The following DCC variants were observed in gnomAD, a reference collection of about 807,000 sequenced individuals.
DCC encodes the protein DCC netrin 1 receptor.
In DCC, 58 loss-of-function variants were observed where a neutral mutation model predicts 172.5. That is an observed-to-expected ratio of 0.34 (90% CI 0.27 to 0.42). The LOEUF is 0.42. Among genes scored for constraint, DCC ranks in the 10% least tolerant of loss-of-function variants. The pLI is 1.00. For synonymous variants in DCC, 709 were observed against 644.5 expected, an observed-to-expected ratio of 1.10 and a Z score of -1.52; for missense variants, 1,740 against 1,791.0, an observed-to-expected ratio of 0.97 and a Z score of 0.51.
chr18:52,464,235 T>C (rs1231160939), intron 1 of DCC, among the ~76,000 whole-genome samples: 2 of 152,182 alleles, frequency 1.3e-5, no homozygotes, highest in Non-Finnish European at 2.9e-5. Context: ...AACACTTTCT[T>C]ATATATACTC....
At chr18:53,020,665 A>G (rs1278650894) in intron 5 of DCC, among the ~76,000 whole-genome samples, 1 of 152,206 alleles carries the variant, frequency 6.6e-6, no homozygotes, top group Non-Finnish European at 1.5e-5. Flanking sequence ...AACTAATACT[A>G]TAATTGCATC....
At chr18:53,474,705 C>G (rs182399794) in intron 25 of DCC, among the ~76,000 whole-genome samples, 77 of 152,306 alleles carry the variant, frequency 5.1e-4, no homozygotes, top group African/African-American at 1.8e-3. Flanking sequence ...ATTGCTCAAT[C>G]ACAGGTATGT....
chr18:53,048,179 G>T (rs1225276698), intron 5 of DCC, among the ~76,000 whole-genome samples: 2 of 151,768 alleles, frequency 1.3e-5, no homozygotes, highest in African/African-American at 4.8e-5. Context: ...TAGGTAAACT[G>T]CATCACAGGA....
intron 15 of DCC, among the ~76,000 whole-genome samples, chr18:53,384,641 A>T (rs998297015): frequency 1.3e-5 from 2 of 151,564 alleles, no homozygotes; most frequent in Admixed American, 6.6e-5. Flanking sequence ...CTCATTTCTG[A>T]GTTTTCTGAT....
At chr18:53,007,047 G>A (rs1483982577) in intron 5 of DCC, among the ~76,000 whole-genome samples, 2 of 152,190 alleles carry the variant, frequency 1.3e-5, no homozygotes, top group Middle Eastern at 3.4e-3. Flanking sequence ...ATGCCATGAA[G>A]ATTTAAAAAA....
In DCC at chr18:53,512,136, T is replaced by C. The variant is rs201817363; in HGVS notation, c.4111+12626T>C. ...ATCTGAGAACGTGCAGACTGCCTCC[T>C]CAAGTGGATCCCTGACCCCGACCCC... On this transcript the variant is annotated intron_variant, in intron 27 of 28. Transcript: ENST00000442544. Among the ~76,000 whole-genome samples the C allele has an allele frequency of 1.6e-4, 25 of 152,134 alleles. 1 individual carries two copies. In the East Asian group the frequency reaches 4.1e-3, roughly 25 times the overall value.
At chr18:52,785,399 C>A (rs77182297) in intron 2 of DCC, among the ~76,000 whole-genome samples, 1 of 152,054 alleles carries the variant, frequency 6.6e-6, no homozygotes, top group Admixed American at 6.6e-5. Context: ...CAAAGACTCC[C>A]ATGCCCTTAC....
At chr18:53,487,647 G>A (rs2045917617) in intron 26 of DCC, among the ~76,000 whole-genome samples, 1 of 150,724 alleles carries the variant, frequency 6.6e-6, no homozygotes, top group Non-Finnish European at 1.5e-5. Context: ...AGATATGATA[G>A]TAACAACAAT....
rs1568294847 is a variant in DCC at position 53,086,253 on chromosome 18, C to CCT, written c.1261+20087_1261+20088insCT. ...CCGTTCTTCTTCTTCTTCTTCCTTT[C>CCT]TTCTTCTTCTTCTTCTTCTTCCTTT... On this transcript the variant is annotated intron_variant, in intron 7 of 28. Transcript: ENST00000442544. Among the ~76,000 whole-genome samples, 10 of 41,350 alleles carry CCT rather than the reference C, an allele frequency of 2.4e-4. 4 individuals are homozygous for CCT. The African/African-American group carries it at 2.8e-3, about 11-fold the overall frequency. The allele number at this position is 41,350 out of a possible 152,430, so 27.1% of individuals were successfully genotyped here.
intron 12 of DCC, among the ~76,000 whole-genome samples, chr18:53,275,403 A>G (rs963629390): frequency 2.0e-5 from 3 of 152,088 alleles, no homozygotes; most frequent in East Asian, 3.9e-4. Context: ...AGTCAAATAT[A>G]TGATCTCCAC....
rs532427783 is a variant in DCC at position 52,575,610 on chromosome 18, C to T, written c.92-176444C>T. Among the ~76,000 whole-genome samples, 8 of 151,968 alleles carry T rather than the reference C, an allele frequency of 5.3e-5. No homozygotes were observed. The East Asian group carries it at 1.5e-3, about 29-fold the overall frequency. On this transcript the variant is annotated intron_variant, in intron 1 of 28. Transcript: ENST00000442544. ...GAGTTAGTTTCTTAGTTGTTTTTTTCCTACCTTTGTAGAAAAATCGCACTC... is the reference window on the plus strand; with the variant it reads ...GAGTTAGTTTCTTAGTTGTTTTTTTTCTACCTTTGTAGAAAAATCGCACTC...
intron 1 of DCC, among the ~76,000 whole-genome samples, chr18:52,391,020 T>TG (rs1568146890): frequency 6.6e-6 from 1 of 152,000 alleles, no homozygotes; most frequent in East Asian, 1.9e-4. Flanking sequence ...AGATTTTTTT[T>TG]TGTGTGTGTA....
intron 1 of DCC, among the ~76,000 whole-genome samples, chr18:52,546,889 C>A (rs1200578847): frequency 2.0e-5 from 3 of 151,984 alleles, no homozygotes; most frequent in Admixed American, 1.3e-4. Flanking sequence ...TTGCTTCTAC[C>A]AAATTGTGCA....
rs966605104 is a variant in DCC at position 53,215,558 on chromosome 18, C to G, written c.1872C>G (p.Ala624=). ...TTTGATTCCTTTTAGTGCCAAGTGC[C>G]CCGCCTCAGAACGTCTCCCTGGAAG... is the stretch of plus-strand genomic sequence containing the variant. The part of the protein sequence containing the change: ...TVVTLSDVPS[A]PPQNVSLEVV... Residue 624 remains alanine, a synonymous_variant, in exon 12 of 29, where the codon GCC becomes GCG. Transcript: ENST00000442544. The G allele has an allele frequency of 6.2e-7, 1 of 1,613,784 alleles. No individual in the cohort carries two copies.
chr18:52,571,572 C>G (rs2033293368), intron 1 of DCC, among the ~76,000 whole-genome samples: 1 of 152,160 alleles, frequency 6.6e-6, no homozygotes, highest in African/African-American at 2.4e-5. Context: ...ATGGGCTTTG[C>G]ACTACTTCCC....
At chr18:52,695,589 A>T (rs1843768403) in intron 1 of DCC, among the ~76,000 whole-genome samples, 1 of 152,160 alleles carries the variant, frequency 6.6e-6, no homozygotes, top group Non-Finnish European at 1.5e-5. Context: ...AGTCACTGGG[A>T]GTTTTTTTCC....
intron 2 of DCC, among the ~76,000 whole-genome samples, chr18:52,889,510 A>G (rs11665098): frequency 0.024 from 3,702 of 152,234 alleles, 73 homozygotes; most frequent in Admixed American, 0.053. Context: ...TTTTGGACAG[A>G]TATGTAGCTA....
At chr18:52,863,206 A>G (rs2039171336) in intron 2 of DCC, among the ~76,000 whole-genome samples, 1 of 152,006 alleles carries the variant, frequency 6.6e-6, no homozygotes, top group African/African-American at 2.4e-5. Flanking sequence ...GCTTTCTTAT[A>G]ACATTTCTTA....
At chr18:53,478,270 G>T (rs1458146355) in intron 25 of DCC, among the ~76,000 whole-genome samples, 1 of 152,202 alleles carries the variant, frequency 6.6e-6, no homozygotes, top group Non-Finnish European at 1.5e-5. Context: ...GAAGTGGGGT[G>T]TGGCCTTGGG....
Sources: gnomAD v4.1 joint callset for allele counts (sites outside exome capture counted in the v4.1 genomes callset) on GRCh38, gnomAD v4.1.1 for gene constraint, MANE v1.5 for transcripts, NCBI Gene and HGNC (gene_info 2026-07-23, HGNC 2026-07-21) for gene names.